PTPRN2: variants seen among roughly 807,000 people sequenced by gnomAD.
The protein encoded by PTPRN2 is receptor-type tyrosine-protein phosphatase N2.
In PTPRN2, 74 loss-of-function variants were observed where a neutral mutation model predicts 118.8. The observed-to-expected ratio is 0.62, with a 90% CI of 0.52 to 0.76. The LOEUF is 0.76. PTPRN2 is among the 30% of genes least tolerant of loss of function. The pLI is 0.00. For missense variants in PTPRN2, 1,481 were observed against 1,394.4 expected (o/e 1.06, Z -0.99); for synonymous variants, 641 against 608.0 (o/e 1.05, Z -0.80).
intron 11 of PTPRN2, among the ~76,000 whole-genome samples, chr7:157,993,389 T>G (rs2128848205): frequency 6.6e-6 from 1 of 151,542 alleles, no homozygotes; most frequent in East Asian, 1.9e-4. Flanking sequence ...CACGGGGACA[T>G]CCCGTACCTG....
intron 2 of PTPRN2, among the ~76,000 whole-genome samples, chr7:158,440,279 T>C (rs1816894760): frequency 6.6e-6 from 1 of 152,236 alleles, no homozygotes; most frequent in Non-Finnish European, 1.5e-5. Context: ...AAAAGCTAGA[T>C]GGATTGTCCG....
rs544362212 is a variant in PTPRN2, at chr7:158,419,694, C to A, written c.163+70041G>T. ...TGGAGAAGAGAGTCGAATTCACAAG[C>A]CTCCAGCACTCGGTGTGGCCAGCAT... On this transcript the variant is annotated intron_variant, in intron 2 of 22. Coordinates refer to ENST00000389418, the MANE Select transcript of PTPRN2 (RefSeq NM_002847.5). 3.3e-5 allele frequency among the ~76,000 whole-genome samples: 5 copies of A among 152,278 alleles called. No homozygotes were observed. The South Asian group carries it at 8.3e-4, about 25-fold the overall frequency.
chr7:157,753,735 C>G (rs1442251645), intron 12 of PTPRN2, among the ~76,000 whole-genome samples: 1 of 149,658 alleles, frequency 6.7e-6, no homozygotes, highest in Non-Finnish European at 1.5e-5. Flanking sequence ...CCAGGCCCCA[C>G]ACCTGCCCTA....
intron 11 of PTPRN2, among the ~76,000 whole-genome samples, chr7:157,909,012 T>C (rs1225417266): frequency 6.6e-6 from 1 of 152,090 alleles, no homozygotes; most frequent in Non-Finnish European, 1.5e-5. Context: ...ATCTAATTAG[T>C]GACTTCATGA....
intron 12 of PTPRN2, among the ~76,000 whole-genome samples, chr7:157,697,845 G>A (rs564245049): frequency 6.7e-6 from 1 of 148,190 alleles, no homozygotes; most frequent in Non-Finnish European, 1.5e-5. Flanking sequence ...ATGCATACTG[G>A]ATCTTGGCAG....
intron 2 of PTPRN2, among the ~76,000 whole-genome samples, chr7:158,470,322 C>T (rs1388930160): frequency 1.3e-5 from 2 of 152,140 alleles, no homozygotes; most frequent in Non-Finnish European, 2.9e-5. Flanking sequence ...CCGCTTGTTG[C>T]TTGTTTTTAT....
intron 2 of PTPRN2, among the ~76,000 whole-genome samples, chr7:158,345,880 G>A (rs1325282326): frequency 1.3e-5 from 2 of 152,064 alleles, no homozygotes; most frequent in Non-Finnish European, 1.5e-5. Context: ...GAGTGGGGGT[G>A]GGGGGAGTGC....
At chr7:158,249,994 G>C (rs1269231322) in intron 3 of PTPRN2, among the ~76,000 whole-genome samples, 1 of 152,058 alleles carries the variant, frequency 6.6e-6, no homozygotes, top group East Asian at 1.9e-4. Context: ...TCCCACACTG[G>C]ACACTCAGTG....
chr7:158,337,263 G>C (rs1805796205), intron 2 of PTPRN2, among the ~76,000 whole-genome samples: 1 of 150,824 alleles, frequency 6.6e-6, no homozygotes. Flanking sequence ...GACACCTGCA[G>C]ACGTCACTCA....
At chr7:158,328,544 G>A (rs1368845258) in intron 2 of PTPRN2, among the ~76,000 whole-genome samples, 2 of 152,184 alleles carry the variant, frequency 1.3e-5, no homozygotes, top group Non-Finnish European at 2.9e-5. Context: ...GACTGGGGAG[G>A]AGCCCCACGT....
chr7:157,605,812 G>A (rs958462790), intron 15 of PTPRN2, among the ~76,000 whole-genome samples: 1 of 152,238 alleles, frequency 6.6e-6, no homozygotes, highest in African/African-American at 2.4e-5. Flanking sequence ...GGAAGTACAT[G>A]CTGATTGGCC....
Position 157,869,493 on chromosome 7 carries a change from C to T in PTPRN2, c.1788+29180G>A, listed in dbSNP as rs140758035. 2.0e-3 allele frequency among the ~76,000 whole-genome samples: 298 copies of T among 152,252 alleles called. No individual in the cohort carries two copies. The highest frequency in any genetic ancestry group is 3.4e-3 in the Non-Finnish European group (233 of 68,024). ...TTCTCAACATAATCTCCACCAGGGC[C>T]AAGACACTTTTGCAAGGGATCAAAC... On this transcript the variant is annotated intron_variant, in intron 12 of 22. Transcript: ENST00000389418. The surrounding 1 kb of genome is among the most constrained non-coding windows in gnomAD (Gnocchi z 4.2).
intron 6 of PTPRN2, among the ~76,000 whole-genome samples, chr7:158,155,559 T>TCACCAC (rs1563529059): frequency 8.2e-4 from 12 of 14,692 alleles, no homozygotes; most frequent in Admixed American, 2.4e-3. Flanking sequence ...AACACCATCA[T>TCACCAC]CATCATTGCC....
At chr7:158,131,545 A>C (rs111204879) in intron 9 of PTPRN2, among the ~76,000 whole-genome samples, 2,476 of 151,130 alleles carry the variant, frequency 0.016, 65 homozygotes, top group African/African-American at 0.051. Flanking sequence ...ACACACGGGT[A>C]CATACAAACT....
Position 157,982,952 on chromosome 7 carries a change from C to T in PTPRN2, c.1724-84215G>A, listed in dbSNP as rs13312352. On this transcript the variant is annotated intron_variant, in intron 11 of 22. Coordinates refer to ENST00000389418, the MANE Select transcript of PTPRN2 (RefSeq NM_002847.5). ...CCCCCCAAACCCCGAGTCACAGAGACGAGGAGGGGAATGCAGAGTGCAGGG... is the reference window on the plus strand; with the variant it reads ...CCCCCCAAACCCCGAGTCACAGAGATGAGGAGGGGAATGCAGAGTGCAGGG... 3.5e-3 allele frequency among the ~76,000 whole-genome samples: 321 copies of T among 92,280 alleles called. 16 individuals carry two copies. The highest frequency in any genetic ancestry group is 0.015 in the African/African-American group (296 of 20,404). 60.5% of individuals were successfully genotyped at this position (92,280 alleles called of 152,430 possible).
At chr7:158,225,984 G>T (rs1828742026) in intron 3 of PTPRN2, among the ~76,000 whole-genome samples, 1 of 152,142 alleles carries the variant, frequency 6.6e-6, no homozygotes, top group Admixed American at 6.5e-5. Context: ...TCTGTGCACA[G>T]TGGGGAGCAG....
At chr7:158,078,724 C>A (rs1404696273) in intron 11 of PTPRN2, among the ~76,000 whole-genome samples, 1 of 152,186 alleles carries the variant, frequency 6.6e-6, no homozygotes, top group Non-Finnish European at 1.5e-5. Flanking sequence ...TCACCAGTCA[C>A]CAACCGTGCT....
intron 2 of PTPRN2, among the ~76,000 whole-genome samples, chr7:158,421,257 G>GA: frequency 6.6e-6 from 1 of 152,224 alleles, no homozygotes; most frequent in Non-Finnish European, 1.5e-5. Flanking sequence ...AATCACACTT[G>GA]AAAAAAGAGC....
chr7:158,408,092 C>T lies in PTPRN2; in HGVS notation c.163+81643G>A, dbSNP rs551984604. On this transcript the variant is annotated intron_variant, in intron 2 of 22. Coordinates refer to ENST00000389418, the MANE Select transcript of PTPRN2 (RefSeq NM_002847.5). The stretch of plus-strand genomic sequence containing the variant: ...CACTTAGACCAAATGCTGAAGTCAA[C>T]GTGACATGTAGGATGTGATTTGTTA... Among the ~76,000 whole-genome samples, 56 of 152,276 alleles carry T rather than the reference C, an allele frequency of 3.7e-4. No homozygotes were observed. In the South Asian group the frequency reaches 9.7e-3, roughly 26 times the overall value.
Sources: gnomAD v4.1 joint callset for allele counts (sites outside exome capture counted in the v4.1 genomes callset) on GRCh38, gnomAD v4.1.1 for gene constraint, Gnocchi (gnomAD v3.1) non-coding constraint, MANE v1.5 for transcripts, NCBI Gene and HGNC (gene_info 2026-07-23, HGNC 2026-07-21) for gene names.